TMEM163: variants seen among roughly 807,000 people sequenced by gnomAD.
TMEM163 encodes transmembrane protein 163.
A neutral mutation model predicts 29.3 loss-of-function variants in TMEM163; 17 were observed. The observed-to-expected ratio is 0.58, with a 90% CI of 0.40 to 0.87. TMEM163 has a LOEUF of 0.87. Among genes scored for constraint, TMEM163 ranks in the 40% least tolerant of loss-of-function variants. The pLI, the probability that TMEM163 is intolerant of heterozygous loss-of-function variation, is 0.00. For missense variants in TMEM163, 303 were observed against 381.5 expected (o/e 0.79, Z 1.71); for synonymous variants, 157 against 160.6 (o/e 0.98, Z 0.17).
chr2:134,585,343 C>A (rs1681789753), intron 2 of TMEM163, among the ~76,000 whole-genome samples: 1 of 152,166 alleles, frequency 6.6e-6, no homozygotes, highest in Non-Finnish European at 1.5e-5. Context: ...GTGATGGCTG[C>A]AAATAGAACC....
chr2:134,693,863 A>G (rs936295463), intron 2 of TMEM163, among the ~76,000 whole-genome samples: 1 of 152,144 alleles, frequency 6.6e-6, no homozygotes, highest in Non-Finnish European at 1.5e-5. Context: ...ACAGCTGAAG[A>G]GTCTGGGGAT....
intron 4 of TMEM163, among the ~76,000 whole-genome samples, chr2:134,530,353 C>T (rs1197847149): frequency 6.6e-6 from 1 of 152,130 alleles, no homozygotes; most frequent in Non-Finnish European, 1.5e-5. Flanking sequence ...TTCACTGTAA[C>T]CTCAATCAAC....
At chr2:134,510,495 C>T (rs778323657) in intron 4 of TMEM163, among the ~76,000 whole-genome samples, 17 of 152,080 alleles carry the variant, frequency 1.1e-4, no homozygotes, top group Non-Finnish European at 1.9e-4. Context: ...GCCTGGAAGA[C>T]AATGTCAATG....
At chr2:134,666,540 G>A (rs561932345) in intron 2 of TMEM163, among the ~76,000 whole-genome samples, 1 of 152,310 alleles carries the variant, frequency 6.6e-6, no homozygotes, top group South Asian at 2.1e-4. Context: ...AACTTCTCCA[G>A]AGCAGAATCC....
intron 2 of TMEM163, among the ~76,000 whole-genome samples, chr2:134,566,612 A>G (rs1681306080): frequency 6.6e-6 from 1 of 152,180 alleles, no homozygotes. Context: ...GGGCATGAGG[A>G]CAAATGTCTC....
At chr2:134,594,250 G>C (rs2104804567) in intron 2 of TMEM163, among the ~76,000 whole-genome samples, 1 of 151,094 alleles carries the variant, frequency 6.6e-6, no homozygotes, top group African/African-American at 2.4e-5. Flanking sequence ...GAGAGAAAGG[G>C]GGAGAAAGAG....
chr2:134,649,601 A>G (rs1188691227), intron 2 of TMEM163, among the ~76,000 whole-genome samples: 1 of 152,234 alleles, frequency 6.6e-6, no homozygotes, highest in African/African-American at 2.4e-5. Flanking sequence ...ACTTGTAAGT[A>G]CAGTGAAATT....
intron 2 of TMEM163, among the ~76,000 whole-genome samples, chr2:134,594,877 C>CTT (rs1239214603): frequency 3.0e-4 from 39 of 129,118 alleles, no homozygotes; most frequent in African/African-American, 1.1e-3. Context: ...CTCTCTCTCT[C>CTT]TCTCTACTTC....
chr2:134,505,239 C>CCTTTTTTTTTTTTTTTTTTTTTTTTT (rs373282805), intron 4 of TMEM163, among the ~76,000 whole-genome samples: 1 of 130,234 alleles, frequency 7.7e-6, no homozygotes, highest in African/African-American at 3.0e-5. Flanking sequence ...TGGGGAATTC[C>CCTTTTTTTTTTTTTTTTTTTTTTTTT]TTTTTTTTTT....
At chr2:134,585,567 C>G (rs1490819334) in intron 2 of TMEM163, among the ~76,000 whole-genome samples, 1 of 152,006 alleles carries the variant, frequency 6.6e-6, no homozygotes, top group African/African-American at 2.4e-5. Context: ...ACAGTGAAAC[C>G]CCGTCTCTAC....
chr2:134,475,670 C>T (rs1574160142), intron 5 of TMEM163, among the ~76,000 whole-genome samples: 1 of 151,948 alleles, frequency 6.6e-6, no homozygotes, highest in Non-Finnish European at 1.5e-5. Flanking sequence ...AAACAGAAGG[C>T]AAAAATTTAA....
At chr2:134,481,114 T>C (rs889127958) in intron 5 of TMEM163, among the ~76,000 whole-genome samples, 14 of 152,192 alleles carry the variant, frequency 9.2e-5, no homozygotes, top group Non-Finnish European at 1.8e-4. Context: ...GGACTTAGAC[T>C]TCGTTTGTCA....
intron 4 of TMEM163, among the ~76,000 whole-genome samples, chr2:134,534,040 C>G (rs150346574): frequency 6.6e-6 from 1 of 152,314 alleles, no homozygotes. Context: ...TCTGCCTACT[C>G]TCTGCAGTCA....
intron 2 of TMEM163, among the ~76,000 whole-genome samples, chr2:134,650,524 G>C (rs1436484173): frequency 7.1e-6 from 1 of 139,978 alleles, no homozygotes; most frequent in African/African-American, 3.0e-5. Flanking sequence ...TTGTTTGTTT[G>C]TTTGTTTGTT....
chr2:134,594,851 GTCTCTCTC>G (rs70973456), intron 2 of TMEM163, among the ~76,000 whole-genome samples: 6,637 of 147,536 alleles, frequency 0.045, 460 homozygotes, highest in African/African-American at 0.15. Context: ...GAGACCTTGA[GTCTCTCTC>G]TCTCTCTCTC....
intron 2 of TMEM163, among the ~76,000 whole-genome samples, chr2:134,556,859 C>A (rs571145265): frequency 2.5e-4 from 38 of 152,142 alleles, no homozygotes; most frequent in Non-Finnish European, 4.3e-4. Flanking sequence ...TTTAATGTTT[C>A]TATTAGCATA....
chr2:134,570,976 T>G (rs1283997642), intron 2 of TMEM163, among the ~76,000 whole-genome samples: 1 of 152,224 alleles, frequency 6.6e-6, no homozygotes, highest in African/African-American at 2.4e-5. Context: ...AACATGAGGA[T>G]TTCCATTGCT....
In TMEM163 at chr2:134,585,963, T is replaced by C. The variant is rs114022663; in HGVS notation, c.323-33872A>G. Among the ~76,000 whole-genome samples the C allele has an allele frequency of 5.4e-3, 825 of 152,328 alleles. 8 individuals carry two copies. The highest frequency in any genetic ancestry group is 0.019 in the African/African-American group (773 of 41,582). ...TAGTATATGTTCCTCCCAGGGAAGA[T>C]TTTTGTGCATGGACTTAAGACTTTT... On this transcript the variant is annotated intron_variant, in intron 2 of 7. Coordinates refer to ENST00000281924, the MANE Select transcript of TMEM163 (RefSeq NM_030923.5).
chr2:134,674,490 C>CGCGCGCGCGT (rs1684064606), intron 2 of TMEM163, among the ~76,000 whole-genome samples: 1 of 80,622 alleles, frequency 1.2e-5, no homozygotes, highest in Non-Finnish European at 2.5e-5. Context: ...ACTACAGGCG[C>CGCGCGCGCGT]GCGCGCGCGC....
Sources: allele counts gnomAD v4.1 joint callset (sites outside exome capture counted in the v4.1 genomes callset), GRCh38; gene constraint gnomAD v4.1.1; transcripts MANE v1.5; gene names NCBI Gene and HGNC (gene_info 2026-07-23, HGNC 2026-07-21).